Variants in MEGF6 observed in about 807,000 individuals in gnomAD.
The protein encoded by MEGF6 is multiple EGF like domains 6.
A neutral mutation model predicts 207.1 loss-of-function variants in MEGF6; 184 were observed. That is an observed-to-expected ratio of 0.89 (90% CI 0.79 to 1.00). The LOEUF (loss-of-function observed/expected upper bound fraction) is 1.00. Ranked by LOEUF, MEGF6 falls within the 50% of genes least tolerant of loss-of-function variation. The pLI, the probability that MEGF6 is intolerant of heterozygous loss-of-function variation, is 0.00. For missense variants in MEGF6, 2,282 were observed against 2,202.9 expected (o/e 1.04, Z -0.72); for synonymous variants, 1,038 against 910.0 (o/e 1.14, Z -2.53).
chr1:3,515,806 C>A (rs554749341), intron 5 of MEGF6, among the ~76,000 whole-genome samples: 1 of 152,362 alleles, frequency 6.6e-6, no homozygotes, highest in East Asian at 1.9e-4. Context: ...GGGCTGGACA[C>A]AGAAGGGGAC....
At chr1:3,501,405 G>A (rs1640858766) in intron 18 of MEGF6, 97 bp from the exon 19 acceptor site, 2 of 1,458,254 alleles carry the variant, frequency 1.4e-6, no homozygotes, top group Non-Finnish European at 1.8e-6. Context: ...CGGCCGAGGA[G>A]GTGGAACCAC....
At chr1:3,528,628 G>A (rs757549872) in intron 4 of MEGF6, among the ~76,000 whole-genome samples, 17 of 152,134 alleles carry the variant, frequency 1.1e-4, no homozygotes, top group Admixed American at 6.5e-4. Flanking sequence ...GAGGCAGGAG[G>A]GTCAGAGGGC....
At chr1:3,521,736 G>A (rs1221256543) in intron 5 of MEGF6, among the ~76,000 whole-genome samples, 1 of 152,168 alleles carries the variant, frequency 6.6e-6, no homozygotes, top group Non-Finnish European at 1.5e-5. Context: ...CGAGGAACCG[G>A]CCCCACCCTT....
chr1:3,548,542 CCT>C (rs1642788435), intron 4 of MEGF6, among the ~76,000 whole-genome samples: 1 of 152,250 alleles, frequency 6.6e-6, no homozygotes, highest in Admixed American at 6.5e-5. Flanking sequence ...CCCAGGGTCC[CCT>C]GTCTGCCTGG....
At chr1:3,513,862 G>T (rs1451153979) in intron 7 of MEGF6, among the ~76,000 whole-genome samples, 2 of 151,980 alleles carry the variant, frequency 1.3e-5, no homozygotes, top group Non-Finnish European at 2.9e-5. Context: ...AAAGTGCTGG[G>T]ATTACAGGTG....
chr1:3,505,903 G>A (rs560454482), intron 15 of MEGF6, among the ~76,000 whole-genome samples: 2 of 152,296 alleles, frequency 1.3e-5, no homozygotes, highest in East Asian at 1.9e-4. Context: ...CCACCCAGAC[G>A]CCCTGGATGC....
At chr1:3,564,585 C>T (rs1643294780) in intron 4 of MEGF6, among the ~76,000 whole-genome samples, 1 of 152,122 alleles carries the variant, frequency 6.6e-6, no homozygotes. Flanking sequence ...CCCTGGCCAC[C>T]AGCCCAGCCC....
intron 1 of MEGF6, among the ~76,000 whole-genome samples, chr1:3,608,446 G>A (rs535261507): frequency 1.4e-3 from 218 of 152,188 alleles, no homozygotes; most frequent in Non-Finnish European, 2.3e-3. Context: ...TCAGGCTCAC[G>A]AATGGGGCCC....
rs748271706 is a variant in MEGF6, at chr1:3,495,998, C to T, written c.3763G>A (p.Gly1255Ser). The T allele has an allele frequency of 5.2e-6, 8 of 1,542,070 alleles. No individual in the cohort carries two copies. Among genetic ancestry groups the T allele is most frequent in the African/African-American group, 1.4e-5 (1 of 73,094 alleles). Reference sequence around the variant, plus strand: ...CCACACACGTGGGTGCAGTTGGGGCCGAAGCGGCCCTGCGGACAGGCTGCC... The same window carrying T: ...CCACACACGTGGGTGCAGTTGGGGCTGAAGCGGCCCTGCGGACAGGCTGCC... ...CNLTCPQGRF[G>S]PNCTHVCGCG... Residue 1255 changes from glycine to serine, a missense_variant, in exon 30 of 37, where the codon GGC becomes AGC. Coordinates refer to ENST00000356575, the MANE Select transcript of MEGF6 (RefSeq NM_001409.4).
chr1:3,608,466 A>T (rs1644282972), intron 1 of MEGF6, among the ~76,000 whole-genome samples: 1 of 151,922 alleles, frequency 6.6e-6, no homozygotes, highest in African/African-American at 2.4e-5. Context: ...CTTGGAGCCC[A>T]TGGCCCCAGT....
chr1:3,538,710 G>A (rs1472343493), intron 4 of MEGF6, among the ~76,000 whole-genome samples: 5 of 124,160 alleles, frequency 4.0e-5, no homozygotes, highest in Non-Finnish European at 7.7e-5. Context: ...GTGTGTGTGT[G>A]TGTGTGTGTG....
chr1:3,490,711 G>GGTGGGGCCCACCCATCC lies in MEGF6; in HGVS notation c.4565-139_4565-123dup, dbSNP rs1640318456. The GGTGGGGCCCACCCATCC allele has an allele frequency of 2.5e-6, 3 of 1,184,004 alleles. No homozygotes were observed. In the African/African-American group the frequency reaches 4.6e-5, roughly 18 times the overall value. The allele number at this position is 1,184,004 out of a possible 1,614,324, so 73.3% of individuals were successfully genotyped here. The stretch of plus-strand genomic sequence containing the variant: ...CTTCAGCAGCTCAGCCCAGCAGGTG[G>GGTGGGGCCCACCCATCC]GTGGGGCCCACCCATCCTTCCCAGC... On this transcript the variant is annotated intron_variant, in intron 36 of 36. Coordinates refer to ENST00000356575, the MANE Select transcript of MEGF6 (RefSeq NM_001409.4).
Position 3,498,471 on chromosome 1 carries a change from G to T in MEGF6, c.3252C>A (p.Gly1084=). The change falls in exon 26 of 37, where the codon GGC becomes GGA. Residue 1084 remains glycine, a synonymous_variant. Transcript: ENST00000356575. ...TGAGGCAACCGCCGCTGTGCCGGCA[G>T]CCAGCTCTGACGTCCCGGGGGAGGC... ...KECLPRDVRA[G]CRHSGGCLNG... 1 of 1,583,506 alleles carries T rather than the reference G, an allele frequency of 6.3e-7. No homozygotes were observed.
At chr1:3,508,045 A>G in intron 13 of MEGF6, 122 bp from the exon 14 acceptor site, 1 of 1,076,474 alleles carries the variant, frequency 9.3e-7, no homozygotes, top group Non-Finnish European at 1.3e-6. Flanking sequence ...TGGCACTTGT[A>G]CCACATCACC....
At position 3,581,614 on chromosome 1, in the gene MEGF6, C is replaced by A. The variant is rs568998309; in HGVS notation, c.377-1685G>T. ...CAAGCCAGCTGTGTTTAGTTCCCAC[C>A]ATGAGGAAGGTTTTAGGTTTTCCTT... is the stretch of plus-strand genomic sequence containing the variant. On this transcript the variant is annotated intron_variant, in intron 3 of 36. Coordinates refer to ENST00000356575, the MANE Select transcript of MEGF6 (RefSeq NM_001409.4). Among the ~76,000 whole-genome samples the A allele has an allele frequency of 7.8e-4, 119 of 152,328 alleles. 1 individual carries two copies. The highest frequency in any genetic ancestry group is 2.7e-3 in the African/African-American group (111 of 41,574).
chr1:3,527,965 T>C (rs1642021503), intron 4 of MEGF6, among the ~76,000 whole-genome samples: 6 of 152,340 alleles, frequency 3.9e-5, no homozygotes, highest in Admixed American at 2.0e-4. Flanking sequence ...GGCCAAGCCC[T>C]TCTCACCCCA....
chr1:3,514,716 C>T, intron 6 of MEGF6, 44 bp from the exon 7 acceptor site: 1 of 1,514,502 alleles, frequency 6.6e-7, no homozygotes. Flanking sequence ...GAGGGGACCC[C>T]AGTGGCTGCA....
intron 10 of MEGF6, among the ~76,000 whole-genome samples, chr1:3,510,312 C>G (rs1641291379): frequency 6.6e-6 from 1 of 152,128 alleles, no homozygotes; most frequent in African/African-American, 2.4e-5. Flanking sequence ...AGGGAGGGGA[C>G]AGGTCAGCAC....
intron 4 of MEGF6, among the ~76,000 whole-genome samples, chr1:3,564,793 G>A (rs967452361): frequency 1.3e-5 from 2 of 152,028 alleles, no homozygotes; most frequent in Non-Finnish European, 2.9e-5. Context: ...GCTGGGGACG[G>A]GCCCCCTTCA....
Sources: allele counts gnomAD v4.1 joint callset (sites outside exome capture counted in the v4.1 genomes callset), GRCh38; gene constraint gnomAD v4.1.1; transcripts MANE v1.5; gene names NCBI Gene and HGNC (gene_info 2026-07-23, HGNC 2026-07-21).